The following KCTD14 variants were observed in gnomAD, a reference collection of about 807,000 sequenced individuals.
KCTD14 encodes BTB/POZ domain-containing protein KCTD14.
In KCTD14, 7 loss-of-function variants were observed where a neutral mutation model predicts 5.9. That is an observed-to-expected ratio of 1.19 (90% CI 0.68 to 2.23). The LOEUF is 2.23. Among genes scored for constraint, KCTD14 ranks in the 30% most tolerant of loss-of-function variants. The pLI is 0.00. For missense variants in KCTD14, 342 were observed against 332.2 expected (o/e 1.03, Z -0.23); for synonymous variants, 140 against 133.1 (o/e 1.05, Z -0.36).
intron 2 of KCTD14, among the ~76,000 whole-genome samples, chr11:78,032,983 T>C (rs1188759367): frequency 6.6e-6 from 1 of 152,116 alleles, no homozygotes; most frequent in African/African-American, 2.4e-5. Flanking sequence ...TGCCCAACCA[T>C]AGTCTACTTC....
At chr11:78,037,991 CA>C (rs3083632) in intron 2 of KCTD14, among the ~76,000 whole-genome samples, 29,829 of 136,382 alleles carry the variant, frequency 0.22, 3,206 homozygotes, top group Middle Eastern at 0.27. Context: ...AAAAGTTGAC[CA>C]AAAAAAAAAA....
At chr11:78,040,721 A>C (rs1402944155) in intron 1 of KCTD14, among the ~76,000 whole-genome samples, 7 of 151,536 alleles carry the variant, frequency 4.6e-5, no homozygotes, top group Admixed American at 6.6e-5. Context: ...CCCAGTCTGC[A>C]GTGCAATGGC....
Position 78,018,919 on chromosome 11 carries a change from T to A in KCTD14, c.91-1649A>T, listed in dbSNP as rs573448297. Among the ~76,000 whole-genome samples the A allele has an allele frequency of 1.1e-4, 17 of 152,272 alleles. 1 individual carries two copies. In the East Asian group the frequency reaches 1.7e-3, roughly 16 times the overall value. On this transcript the variant is annotated intron_variant, in intron 1 of 1. Coordinates refer to ENST00000353172, the MANE Select transcript of KCTD14 (RefSeq NM_023930.4). ...CTTGGGTATTTACTATGTATCCACA[T>A]CCTGTGCTGGGAGTTGGGGACAAAC...
At chr11:78,023,941 T>C (rs1857374006), upstream of KCTD14, among the ~76,000 whole-genome samples, 2 of 152,064 alleles carry the variant, frequency 1.3e-5, no homozygotes, top group Admixed American at 1.3e-4. Flanking sequence ...GGTGTTAAAA[T>C]GTAAAGTCTG....
intron 1 of KCTD14, among the ~76,000 whole-genome samples, chr11:78,044,171 C>T (rs1044308693): frequency 3.9e-5 from 6 of 152,130 alleles, no homozygotes; most frequent in Admixed American, 3.3e-4. Flanking sequence ...GAGTAGAGGG[C>T]GCTGCTCTCC....
chr11:78,030,680 G>T (rs1446603963), intron 2 of KCTD14, among the ~76,000 whole-genome samples: 1 of 152,166 alleles, frequency 6.6e-6, no homozygotes, highest in Non-Finnish European at 1.5e-5. Flanking sequence ...CCTCCAGGCG[G>T]CTGGGCTTTA....
intron 2 of KCTD14, among the ~76,000 whole-genome samples, chr11:78,028,800 G>T (rs1026070737): frequency 4.6e-5 from 7 of 152,154 alleles, no homozygotes; most frequent in South Asian, 2.1e-4. Context: ...AATTAACTGG[G>T]TATGGTGGCA....
In KCTD14 at chr11:78,016,785, C is replaced by T; in HGVS notation, c.576G>A (p.Lys192=). 6.2e-7 allele frequency: 1 copy of T among 1,614,124 alleles called. No individual in the cohort carries two copies. Residue 192 remains lysine, a synonymous_variant, in exon 2 of 2, where the codon AAG becomes AAA. Transcript: ENST00000353172. The part of the protein sequence containing the change: ...YSEVLCFLQD[K]KMFKSVVKFG... Reference sequence around the variant, plus strand: ...ACTTGACAACAGACTTGAACATCTTCTTATCCTGCAGAAAACACAGGACCT... The same window carrying T: ...ACTTGACAACAGACTTGAACATCTTTTTATCCTGCAGAAAACACAGGACCT...
intron 2 of KCTD14, among the ~76,000 whole-genome samples, chr11:78,035,554 G>T (rs9651742): frequency 6.6e-6 from 1 of 151,882 alleles, no homozygotes; most frequent in South Asian, 2.1e-4. Flanking sequence ...GTAAAGAGTC[G>T]CTTTATGGGC....
At chr11:78,041,232 C>T (rs1164637881) in intron 1 of KCTD14, among the ~76,000 whole-genome samples, 1 of 152,130 alleles carries the variant, frequency 6.6e-6, no homozygotes, top group East Asian at 1.9e-4. Context: ...TATGATGTTG[C>T]TGCAGGGAGC....
chr11:78,018,472 C>T (rs1008029510), intron 1 of KCTD14, among the ~76,000 whole-genome samples: 11 of 151,964 alleles, frequency 7.2e-5, no homozygotes, highest in Non-Finnish European at 1.5e-5. Flanking sequence ...TTTGGGAGAC[C>T]GAGGTGAGTG....
chr11:78,022,853 T>G (rs2136711915), intron 1 of KCTD14: 49 of 295,308 alleles, frequency 1.7e-4, no homozygotes, highest in South Asian at 6.8e-4. Context: ...GACAAGCCGG[T>G]GGGGAAGAGA....
chr11:78,015,961 T>G lies in KCTD14; in HGVS notation c.*632A>C, dbSNP rs1215825204. ...CAAAATTAGAATACATCAAAATCAC[T>G]TGGAGGGTTTGGTAAATCAGAATGC... is the stretch of plus-strand genomic sequence containing the variant. On this transcript the variant is annotated 3_prime_UTR_variant, in exon 2 of 2. Coordinates refer to ENST00000353172, the MANE Select transcript of KCTD14 (RefSeq NM_023930.4). 1 of 152,238 alleles carries G rather than the reference T, an allele frequency of 6.6e-6. No individual in the cohort carries two copies. The highest frequency in any genetic ancestry group is 6.5e-5 in the Admixed American group (1 of 15,272). 9.4% of individuals were successfully genotyped at this position (152,238 alleles called of 1,614,324 possible).
Position 78,041,637 on chromosome 11 carries a change from A to G in KCTD14, c.-95-2879T>C, listed in dbSNP as rs1857995842. ...CTCTGTTTTCACGCTATTTCACTCTATTAAATCTTGCAACTGCACTCTTCT... is the reference window on the plus strand; with the variant it reads ...CTCTGTTTTCACGCTATTTCACTCTGTTAAATCTTGCAACTGCACTCTTCT... On this transcript the variant is annotated intron_variant, in intron 1 of 2. Coordinates refer to the KCTD14 transcript ENST00000533144. 3.3e-5 allele frequency among the ~76,000 whole-genome samples: 5 copies of G among 152,112 alleles called. No individual in the cohort carries two copies. In the South Asian group the frequency reaches 6.2e-4, roughly 19 times the overall value.
intron 1 of KCTD14, chr11:78,038,893 C>G (rs757709893): frequency 2.1e-5 from 21 of 1,002,194 alleles, no homozygotes; most frequent in Non-Finnish European, 2.8e-5. Context: ...GCTGTGGTCA[C>G]GGTCAGGCCC....
At chr11:78,033,232 T>C (rs1024544237) in intron 2 of KCTD14, among the ~76,000 whole-genome samples, 3 of 152,250 alleles carry the variant, frequency 2.0e-5, no homozygotes, top group Admixed American at 6.5e-5. Flanking sequence ...AGAATGTTCG[T>C]TGCGTCATTG....
At position 78,033,901 on chromosome 11, in the gene KCTD14, G is replaced by GTA. The variant is rs1555054302; in HGVS notation, c.-1+4761_-1+4762dup. Among the ~76,000 whole-genome samples the GTA allele has an allele frequency of 4.2e-4, 48 of 115,588 alleles. 1 individual carries two copies. The highest frequency in any genetic ancestry group is 5.2e-4 in the Non-Finnish European group (31 of 59,350). 75.8% of individuals were successfully genotyped at this position (115,588 alleles called of 152,430 possible). ...ATAGTGTGTGTGTATGTGTGTGTGTGTATATATATATATACACACATTATA... is the reference window on the plus strand; with the variant it reads ...ATAGTGTGTGTGTATGTGTGTGTGTGTATATATATATATATACACACATTATA... On this transcript the variant is annotated intron_variant, in intron 2 of 2. Coordinates refer to the KCTD14 transcript ENST00000533144.
At chr11:78,037,311 C>T (rs546320996) in intron 2 of KCTD14, among the ~76,000 whole-genome samples, 5 of 152,330 alleles carry the variant, frequency 3.3e-5, no homozygotes, top group East Asian at 1.9e-4. Flanking sequence ...AGGCTCTAGG[C>T]CCAGCTCCAC....
At chr11:78,042,708 G>A (rs1232083065) in intron 1 of KCTD14, among the ~76,000 whole-genome samples, 2 of 152,186 alleles carry the variant, frequency 1.3e-5, no homozygotes, top group Non-Finnish European at 2.9e-5. Context: ...CACAAGGAGT[G>A]AGTTTAAGAG....
Sources: gnomAD v4.1 joint callset for allele counts (sites outside exome capture counted in the v4.1 genomes callset) on GRCh38, gnomAD v4.1.1 for gene constraint, MANE v1.5 for transcripts, NCBI Gene and HGNC (gene_info 2026-07-23, HGNC 2026-07-21) for gene names.